Variants in NUP93 observed in about 807,000 individuals in gnomAD.
NUP93 encodes nucleoporin 93, also known as nuclear pore complex protein Nup93.
In NUP93, 55 loss-of-function variants were observed where a neutral mutation model predicts 107.8. The ratio of observed to expected loss-of-function variants is 0.51; its 90% CI spans 0.41 to 0.64. The LOEUF (loss-of-function observed/expected upper bound fraction) is 0.64, where lower values mean the gene tolerates loss of function less well. NUP93 is among the 30% of genes least tolerant of loss of function. NUP93 has a pLI of 0.00. For synonymous variants in NUP93, 390 were observed against 397.5 expected, an observed-to-expected ratio of 0.98 and a Z score of 0.22; for missense variants, 937 against 1,044.7, an observed-to-expected ratio of 0.90 and a Z score of 1.42.
chr16:56,844,985 A>G lies in NUP93; in HGVS notation c.*376A>G, dbSNP rs1340615137. ...TGGGAGTTACTTTTATTTAGATATA[A>G]TATTCCATATAGCAGAGTCACGATT... is the stretch of plus-strand genomic sequence containing the variant. On this transcript the variant is annotated 3_prime_UTR_variant, in exon 22 of 22. Transcript: ENST00000308159. 1 of 298,516 alleles carries G rather than the reference A, an allele frequency of 3.3e-6. No individual in the cohort carries two copies. The highest frequency in any genetic ancestry group is 6.1e-6 in the Non-Finnish European group (1 of 163,726). 18.5% of individuals were successfully genotyped at this position (298,516 alleles called of 1,614,324 possible). A position where few individuals can be genotyped will look rare whatever the true frequency, so the allele number is the denominator to read the frequency against.
intron 8 of NUP93, among the ~76,000 whole-genome samples, chr16:56,825,801 ACTCT>A (rs1355964929): frequency 2.0e-4 from 30 of 151,804 alleles, no homozygotes; most frequent in Admixed American, 1.9e-3. Context: ...TAGTGGCATC[ACTCT>A]CTCATGGCAT....
At position 56,798,531 on chromosome 16, in the gene NUP93, G is replaced by A. The variant is rs371252223; in HGVS notation, c.353G>A (p.Arg118Gln). ...NALLSAIEES[R>Q]KRTFGMAEEY... ...CTGCTGTCTGCCATCGAAGAGTCCC[G>A]GAAGAGGGTAAGAAAATTAACCAAA... The change falls in exon 4 of 22, where the codon CGG becomes CAG. Residue 118 changes from arginine (R) to glutamine (Q), a missense_variant. Arg to Gln is a conservative substitution (Grantham distance 43). Transcript: ENST00000308159. 2.0e-5 allele frequency: 33 copies of A among 1,613,736 alleles called. No individual in the cohort carries two copies. Among genetic ancestry groups the A allele is most frequent in the Admixed American group, 5.0e-5 (3 of 59,986 alleles).
Position 56,821,399 on chromosome 16 carries a change from A to G in NUP93, c.565-105A>G, listed in dbSNP as rs561535339. On this transcript the variant is annotated intron_variant, in intron 6 of 21. Transcript: ENST00000308159. ...GTGGATGGCTCAGCCACTCCGAGGA[A>G]GGAAAGGTTGGCCGAAGCTTCTGCC... The G allele has an allele frequency of 1.3e-4, 92 of 733,504 alleles. No homozygotes were observed. In the East Asian group the frequency reaches 2.4e-3, roughly 19 times the overall value. 45.4% of individuals were successfully genotyped at this position (733,504 alleles called of 1,614,324 possible).
chr16:56,739,123 A>G (rs1370285459), intron 1 of NUP93, among the ~76,000 whole-genome samples: 4 of 141,394 alleles, frequency 2.8e-5, no homozygotes, highest in Non-Finnish European at 6.2e-5. Flanking sequence ...TTCTTTCTAC[A>G]CAGACACGGC....
rs941731069 is a variant in NUP93, at chr16:56,823,908, G to C, written c.794+62G>C. ...ATCCTTTGCAGTCAACTGTTTCTCA[G>C]ATCTTAAGTTGTCCTCAGGCTAGGT... On this transcript the variant is annotated intron_variant, in intron 8 of 21. Coordinates refer to ENST00000308159, the MANE Select transcript of NUP93 (RefSeq NM_014669.5). 5 of 1,581,744 alleles carry C rather than the reference G, an allele frequency of 3.2e-6. No homozygotes were observed. In the African/African-American group the frequency reaches 5.4e-5, roughly 17 times the overall value.
chr16:56,822,916 GAGAC>G (rs1455787649), intron 7 of NUP93, among the ~76,000 whole-genome samples: 3 of 152,182 alleles, frequency 2.0e-5, no homozygotes, highest in East Asian at 1.9e-4. Context: ...TTTAATTTTT[GAGAC>G]AGACCATGAA....
chr16:56,806,169 CTATCTT>C (rs1481359430), intron 5 of NUP93, among the ~76,000 whole-genome samples: 1 of 151,196 alleles, frequency 6.6e-6, no homozygotes, highest in Admixed American at 6.6e-5. Flanking sequence ...ACAGAGTTCC[CTATCTT>C]TATAAGTGGC....
chr16:56,842,023 T>C (rs1464495484), intron 21 of NUP93, among the ~76,000 whole-genome samples, 190 bp downstream of exon 21: 2 of 152,186 alleles, frequency 1.3e-5, no homozygotes, highest in African/African-American at 2.4e-5. Flanking sequence ...CTTCTCAAGC[T>C]TAAAAAAATA....
rs372514444 is a variant in NUP93, at chr16:56,839,524, A to G, written c.2140A>G (p.Ile714Val). Residue 714 changes from isoleucine (I) to valine (V), a missense_variant, in exon 20 of 22, where the codon ATT becomes GTT. Coordinates refer to ENST00000308159, the MANE Select transcript of NUP93 (RefSeq NM_014669.5). ...GGCCGGTGGTTGTTTTAAACAGATC[A>G]TTGAGCGCTTGAAGCTGGTGCCCCT... ...SGHIDRAFDI[I>V]ERLKLVPLNQ... 5.6e-6 allele frequency: 9 copies of G among 1,611,134 alleles called. No individual in the cohort carries two copies. Among genetic ancestry groups the G allele is most frequent in the Middle Eastern group, 1.7e-4 (1 of 6,054 alleles).
chr16:56,830,616 A>G lies in NUP93; in HGVS notation c.1016A>G (p.Asn339Ser). Residue 339 changes from asparagine to serine, a missense_variant, in exon 10 of 22, where the codon AAT becomes AGT. Coordinates refer to ENST00000308159, the MANE Select transcript of NUP93 (RefSeq NM_014669.5). ...CTGCTTGCCGCTTCACAGGTAGTTA[A>G]TCGAGCCCAGCACCAGCTGGGAGAG... The part of the protein sequence containing the change: ...GDLLAASQVV[N>S]RAQHQLGEFK... 12 of 1,610,812 alleles carry G rather than the reference A, an allele frequency of 7.4e-6. No homozygotes were observed. The highest frequency in any genetic ancestry group is 1.0e-5 in the Non-Finnish European group (12 of 1,177,246).
chr16:56,792,580 T>G lies in NUP93; in HGVS notation c.298-5896T>G, dbSNP rs534647980. ...TTTTAAATCTCTATTAAGGATATAC[T>G]TCAAAGTATGATCCAGTTAAGTAGT... On this transcript the variant is annotated intron_variant, in intron 3 of 21. Transcript: ENST00000308159. Among the ~76,000 whole-genome samples, 13 of 152,338 alleles carry G rather than the reference T, an allele frequency of 8.5e-5. No homozygotes were observed. The East Asian group carries it at 2.5e-3, about 29-fold the overall frequency.
chr16:56,825,115 G>A (rs1222956277), intron 8 of NUP93, among the ~76,000 whole-genome samples: 1 of 151,072 alleles, frequency 6.6e-6, no homozygotes, highest in Admixed American at 6.6e-5. Flanking sequence ...GGAGTGCAGT[G>A]GCATAATCTG....
chr16:56,794,824 A>G (rs1962855235), intron 3 of NUP93, among the ~76,000 whole-genome samples: 1 of 148,112 alleles, frequency 6.8e-6, no homozygotes, highest in Admixed American at 6.9e-5. Flanking sequence ...GCTACTCGGG[A>G]GGCTGAGGCA....
At chr16:56,807,987 C>G (rs1453199508) in intron 5 of NUP93, among the ~76,000 whole-genome samples, 1 of 149,454 alleles carries the variant, frequency 6.7e-6, no homozygotes, top group Non-Finnish European at 1.5e-5. Flanking sequence ...CCCGCCACTG[C>G]ACTCCAGCCT....
chr16:56,769,490 G>C (rs1361301530), intron 3 of NUP93, among the ~76,000 whole-genome samples: 1 of 152,134 alleles, frequency 6.6e-6, no homozygotes, highest in Non-Finnish European at 1.5e-5. Context: ...TTTATCTCCA[G>C]GTGCTTGCTT....
chr16:56,803,419 C>T (rs577311251), intron 4 of NUP93, among the ~76,000 whole-genome samples: 2 of 151,882 alleles, frequency 1.3e-5, no homozygotes, highest in Admixed American at 6.6e-5. Context: ...GAGCTGAGAT[C>T]GTTCTGCTGC....
intron 3 of NUP93, among the ~76,000 whole-genome samples, chr16:56,779,219 G>C (rs141544648): frequency 7.5e-4 from 114 of 152,272 alleles, no homozygotes; most frequent in African/African-American, 2.6e-3. Flanking sequence ...TCACTGTACT[G>C]TAGAGCCCTA....
At chr16:56,826,818 C>T (rs559134092) in intron 8 of NUP93, among the ~76,000 whole-genome samples, 8 of 151,474 alleles carry the variant, frequency 5.3e-5, no homozygotes, top group East Asian at 3.9e-4. Context: ...GAGGCCGAGG[C>T]GGGCAGATCA....
intron 1 of NUP93, among the ~76,000 whole-genome samples, chr16:56,744,759 G>A (rs1288139280): frequency 6.6e-6 from 1 of 152,194 alleles, no homozygotes; most frequent in African/African-American, 2.4e-5. Flanking sequence ...GACCAAGTGT[G>A]ATATGAATTC....
Sources: allele counts gnomAD v4.1 joint callset (sites outside exome capture counted in the v4.1 genomes callset), GRCh38; gene constraint gnomAD v4.1.1; transcripts MANE v1.5; gene names NCBI Gene and HGNC (gene_info 2026-07-23, HGNC 2026-07-21).